The following JARID2 variants were observed in gnomAD, a reference collection of about 807,000 sequenced individuals.
The protein encoded by JARID2 is protein Jumonji.
A neutral mutation model predicts 125.6 loss-of-function variants in JARID2; 21 were observed. That is an observed-to-expected ratio of 0.17 (90% CI 0.12 to 0.24). The LOEUF is 0.24. JARID2 is among the 10% of genes least tolerant of loss of function. The pLI is 1.00. For synonymous variants in JARID2, 736 were observed against 661.6 expected (o/e 1.11, Z -1.73); for missense variants, 1,303 against 1,639.6 (o/e 0.79, Z 3.55).
intron 1 of JARID2, among the ~76,000 whole-genome samples, chr6:15,283,373 C>T (rs1760856369): frequency 1.4e-5 from 2 of 142,410 alleles, no homozygotes; most frequent in Non-Finnish European, 1.5e-5. Flanking sequence ...TGGAGTCTCA[C>T]TCTGTGGCTC....
chr6:15,394,079 G>A (rs1368446169), intron 2 of JARID2, among the ~76,000 whole-genome samples: 2 of 152,094 alleles, frequency 1.3e-5, no homozygotes, highest in East Asian at 3.9e-4. Flanking sequence ...TAATCAGTGA[G>A]TGCTGAGATC....
intron 3 of JARID2, among the ~76,000 whole-genome samples, chr6:15,423,301 A>C (rs1249975986): frequency 6.6e-6 from 1 of 152,116 alleles, no homozygotes; most frequent in Non-Finnish European, 1.5e-5. Context: ...CCTGGCCTGC[A>C]TCCCAGTCAT....
chr6:15,334,463 G>A (rs530121499), intron 1 of JARID2, among the ~76,000 whole-genome samples: 187 of 152,182 alleles, frequency 1.2e-3, no homozygotes, highest in African/African-American at 4.1e-3. Context: ...AAGGAGTAAG[G>A]TTTTCCATTC....
At chr6:15,251,105 G>A (rs1327820235) in intron 1 of JARID2, among the ~76,000 whole-genome samples, 1 of 151,934 alleles carries the variant, frequency 6.6e-6, no homozygotes, top group Non-Finnish European at 1.5e-5. Context: ...ACTGTCTTCC[G>A]GGTTCAATCG....
At chr6:15,323,846 C>T (rs553289288) in intron 1 of JARID2, among the ~76,000 whole-genome samples, 20 of 151,380 alleles carry the variant, frequency 1.3e-4, no homozygotes, top group African/African-American at 2.7e-4. Context: ...GAGCTGATCG[C>T]GCCACTGTAC....
intron 3 of JARID2, among the ~76,000 whole-genome samples, chr6:15,437,814 G>A (rs1767275443): frequency 6.6e-6 from 1 of 151,288 alleles, no homozygotes; most frequent in African/African-American, 2.4e-5. Context: ...AAAAAAAAAA[G>A]AAAGAATTTA....
intron 1 of JARID2, among the ~76,000 whole-genome samples, chr6:15,307,423 A>G (rs1355647617): frequency 6.6e-6 from 1 of 151,946 alleles, no homozygotes; most frequent in East Asian, 2.0e-4. Flanking sequence ...GGGTTTTGCC[A>G]TGTTGCCCAG....
In JARID2 at chr6:15,497,637, TG is replaced by T. The variant is rs1344264174; in HGVS notation, c.1945+468del. On this transcript the variant is annotated intron_variant, in intron 7 of 17. Transcript: ENST00000341776. ...CTGCACTCCAGCCTGGGTGACAGAG[TG>T]AGATTCCGTCTCAAAAAAAAAAAAA... Among the ~76,000 whole-genome samples the T allele has an allele frequency of 3.3e-5, 4 of 120,654 alleles. No individual in the cohort carries two copies. In the Admixed American group the frequency reaches 3.7e-4, roughly 11 times the overall value. 79.2% of individuals were successfully genotyped at this position (120,654 alleles called of 152,430 possible).
chr6:15,515,647 G>A (rs888029059), intron 16 of JARID2, among the ~76,000 whole-genome samples: 3 of 151,992 alleles, frequency 2.0e-5, no homozygotes, highest in African/African-American at 2.4e-5. Flanking sequence ...TTAACTGGGT[G>A]TGGTGGCGGG....
chr6:15,265,909 G>A (rs1760066389), intron 1 of JARID2, among the ~76,000 whole-genome samples: 1 of 152,142 alleles, frequency 6.6e-6, no homozygotes, highest in Non-Finnish European at 1.5e-5. Context: ...GGGCATGGGC[G>A]GTGGCTGGTC....
Position 15,504,481 on chromosome 6 carries a change from G to GTT in JARID2, c.2449-14_2449-13dup. The GTT allele has an allele frequency of 6.3e-7, 1 of 1,586,574 alleles. No individual in the cohort carries two copies. The highest frequency in any genetic ancestry group is 8.7e-7 in the Non-Finnish European group (1 of 1,155,020). On this transcript the variant is annotated intron_variant, in intron 8 of 17. Coordinates refer to ENST00000341776, the MANE Select transcript of JARID2 (RefSeq NM_004973.4). ...TCAGCTTTGCTTCTGAAGCTTTACT[G>GTT]TTTTTTGTTTTGTTTCAGGGAAGGT...
chr6:15,481,386 G>A (rs559434427), intron 5 of JARID2, among the ~76,000 whole-genome samples: 1 of 152,236 alleles, frequency 6.6e-6, no homozygotes, highest in East Asian at 1.9e-4. Context: ...GTGTGTGGAG[G>A]ACTTCTATAC....
chr6:15,286,597 A>C (rs1304347184), intron 1 of JARID2, among the ~76,000 whole-genome samples: 2 of 150,974 alleles, frequency 1.3e-5, no homozygotes, highest in Non-Finnish European at 3.0e-5. Flanking sequence ...GTGGTGGCTC[A>C]CGCCTGTATT....
intron 5 of JARID2, among the ~76,000 whole-genome samples, chr6:15,481,783 A>G (rs1769628693): frequency 6.6e-6 from 1 of 152,184 alleles, no homozygotes; most frequent in African/African-American, 2.4e-5. Context: ...AGTTAATTTG[A>G]TTCAGTTTTT....
intron 5 of JARID2, among the ~76,000 whole-genome samples, chr6:15,480,406 A>G (rs1345127891): frequency 6.6e-6 from 1 of 152,138 alleles, no homozygotes; most frequent in Non-Finnish European, 1.5e-5. Flanking sequence ...CTTTTGCTGG[A>G]TGCCAAGTAA....
intron 3 of JARID2, among the ~76,000 whole-genome samples, chr6:15,436,373 T>TCTTCTG (rs1441852213): frequency 6.6e-6 from 1 of 152,222 alleles, no homozygotes; most frequent in Non-Finnish European, 1.5e-5. Flanking sequence ...CTGCCAGTGC[T>TCTTCTG]CTTCTGCGGC....
At chr6:15,351,139 C>G (rs908150084) in intron 1 of JARID2, among the ~76,000 whole-genome samples, 1 of 152,156 alleles carries the variant, frequency 6.6e-6, no homozygotes, top group Admixed American at 6.5e-5. Flanking sequence ...TGCTGAAGAC[C>G]TACTGTGCTC....
intron 1 of JARID2, among the ~76,000 whole-genome samples, chr6:15,311,661 T>C (rs1762017885): frequency 6.6e-6 from 1 of 152,082 alleles, no homozygotes. Context: ...TCTGCCTTTC[T>C]GCACAATACA....
Position 15,496,897 on chromosome 6 carries a change from C to T in JARID2, c.1672C>T (p.Pro558Ser), listed in dbSNP as rs1307988309. The T allele has an allele frequency of 1.9e-6, 3 of 1,601,432 alleles. No homozygotes were observed. Among genetic ancestry groups the T allele is most frequent in the Non-Finnish European group, 1.7e-6 (2 of 1,171,846 alleles). The change falls in exon 7 of 18, where the codon CCC becomes TCC. Residue 558 changes from proline to serine, a missense_variant. Pro to Ser is a moderately conservative substitution (Grantham distance 74). Transcript: ENST00000341776. Reference sequence around the variant, plus strand: ...CGGGTGGGCGGCCATGGACGAGATCCCCGTCCTCAGGCCCTCCGCCAAGGA... The same window carrying T: ...CGGGTGGGCGGCCATGGACGAGATCTCCGTCCTCAGGCCCTCCGCCAAGGA... ...KAGWAAMDEIPVLRPSAKEFH... is the reference protein window; with the variant it reads ...KAGWAAMDEISVLRPSAKEFH...
Sources: gnomAD v4.1 joint callset for allele counts (sites outside exome capture counted in the v4.1 genomes callset) on GRCh38, gnomAD v4.1.1 for gene constraint, MANE v1.5 for transcripts, NCBI Gene and HGNC (gene_info 2026-07-23, HGNC 2026-07-21) for gene names.